The following ROBO1 variants were observed in gnomAD, a reference collection of about 807,000 sequenced individuals.
ROBO1 encodes roundabout homolog 1.
Under a neutral mutation model 195.9 loss-of-function variants are expected in ROBO1, and 149 were observed. That is an observed-to-expected ratio of 0.76 (90% CI 0.67 to 0.87). The LOEUF is 0.87. Among genes scored for constraint, ROBO1 ranks in the 40% least tolerant of loss-of-function variants. The probability of loss-of-function intolerance (pLI) is 0.00; values close to 1 mark genes in which losing one functional copy is unlikely to be tolerated. For missense variants in ROBO1, 1,933 were observed against 2,068.3 expected (o/e 0.93, Z 1.27); for synonymous variants, 816 against 733.2 (o/e 1.11, Z -1.82).
At chr3:78,943,451 C>T (rs1473124467) in intron 3 of ROBO1, among the ~76,000 whole-genome samples, 1 of 152,102 alleles carries the variant, frequency 6.6e-6, no homozygotes, top group Admixed American at 6.6e-5. Flanking sequence ...TGTTTGTACA[C>T]AACAATTCAG....
At position 78,946,018 on chromosome 3, in the gene ROBO1, C is replaced by T. The variant is rs147397552; in HGVS notation, c.173-7091G>A. ...ACAAAGCCTCCAAGAAATATAGGAC[C>T]ATGTGAAAAGACCAAATCTACGTCT... On this transcript the variant is annotated intron_variant, in intron 3 of 30. Coordinates refer to ENST00000464233, the MANE Select transcript of ROBO1 (RefSeq NM_002941.4). 7.5e-3 allele frequency among the ~76,000 whole-genome samples: 1,130 copies of T among 151,360 alleles called. 12 individuals carry two copies. The highest frequency in any genetic ancestry group is 0.026 in the African/African-American group (1,089 of 41,336).
At chr3:79,540,495 G>T (rs570037181) in intron 2 of ROBO1, among the ~76,000 whole-genome samples, 1 of 151,864 alleles carries the variant, frequency 6.6e-6, no homozygotes, top group Non-Finnish European at 1.5e-5. Flanking sequence ...TTCAACATCC[G>T]CTCATAACCC....
intron 4 of ROBO1, among the ~76,000 whole-genome samples, chr3:78,783,713 T>C (rs979489651): frequency 1.3e-5 from 2 of 152,180 alleles, no homozygotes; most frequent in Non-Finnish European, 2.9e-5. Context: ...GGTTTCACCT[T>C]ACGTCACACA....
chr3:79,489,038 G>A (rs1367910216), intron 2 of ROBO1, among the ~76,000 whole-genome samples: 1 of 151,308 alleles, frequency 6.6e-6, no homozygotes, highest in Non-Finnish European at 1.5e-5. Context: ...ATTTAGATGG[G>A]TCATTTAAAA....
chr3:79,310,144 C>A (rs2033410794), intron 2 of ROBO1, among the ~76,000 whole-genome samples: 1 of 152,088 alleles, frequency 6.6e-6, no homozygotes, highest in Non-Finnish European at 1.5e-5. Flanking sequence ...TTATAACATG[C>A]CTCATTTAAA....
Position 79,489,166 on chromosome 3 carries a change from A to T in ROBO1, c.88+100658T>A, listed in dbSNP as rs1243654388. On this transcript the variant is annotated intron_variant, in intron 2 of 30. Transcript: ENST00000464233. ...AAGATAAACTGATTTTTCTCATAAGACTTCAGACTAATCAATTTAAGATAA... is the reference window on the plus strand; with the variant it reads ...AAGATAAACTGATTTTTCTCATAAGTCTTCAGACTAATCAATTTAAGATAA... Among the ~76,000 whole-genome samples the T allele has an allele frequency of 2.0e-5, 3 of 151,880 alleles. No homozygotes were observed. In the East Asian group the frequency reaches 5.8e-4, roughly 29 times the overall value.
intron 2 of ROBO1, among the ~76,000 whole-genome samples, chr3:79,311,686 A>T (rs945299019): frequency 1.3e-5 from 2 of 152,192 alleles, no homozygotes; most frequent in African/African-American, 4.8e-5. Flanking sequence ...TGTGGCCTCC[A>T]GTAATAACAC....
chr3:79,534,321 AT>A (rs1002635237), intron 2 of ROBO1, among the ~76,000 whole-genome samples: 7 of 152,240 alleles, frequency 4.6e-5, no homozygotes, highest in Admixed American at 4.6e-4. Flanking sequence ...TGATGATTTT[AT>A]ACTACTGAAA....
chr3:78,679,650 A>G (rs1296485150), intron 10 of ROBO1, among the ~76,000 whole-genome samples: 1 of 152,214 alleles, frequency 6.6e-6, no homozygotes, highest in African/African-American at 2.4e-5. Flanking sequence ...AAGGAGAACT[A>G]CAAACCACTC....
chr3:78,964,484 A>G (rs2041571230), intron 3 of ROBO1, among the ~76,000 whole-genome samples: 1 of 152,182 alleles, frequency 6.6e-6, no homozygotes, highest in Admixed American at 6.5e-5. Context: ...GCCAAACTGT[A>G]GAGACCTAAA....
intron 4 of ROBO1, among the ~76,000 whole-genome samples, chr3:78,817,171 T>C (rs1172082021): frequency 6.6e-6 from 1 of 151,970 alleles, no homozygotes; most frequent in African/African-American, 2.4e-5. Context: ...AACTTCATTG[T>C]TGTCTTATTT....
intron 4 of ROBO1, among the ~76,000 whole-genome samples, chr3:78,802,817 T>C (rs904611003): frequency 6.6e-6 from 1 of 152,216 alleles, no homozygotes. Context: ...AAATCATCCC[T>C]TTTAAGTTAT....
chr3:78,945,856 G>A (rs576641724), intron 3 of ROBO1, among the ~76,000 whole-genome samples: 1 of 152,002 alleles, frequency 6.6e-6, no homozygotes, highest in Non-Finnish European at 1.5e-5. Flanking sequence ...CAAGGCACGA[G>A]AGCTACGTGA....
intron 4 of ROBO1, among the ~76,000 whole-genome samples, chr3:78,836,235 G>A (rs1036583189): frequency 2.6e-5 from 4 of 151,954 alleles, no homozygotes; most frequent in Admixed American, 6.6e-5. Flanking sequence ...TCTTCAGGCC[G>A]GGGGCAGTGG....
intron 3 of ROBO1, among the ~76,000 whole-genome samples, chr3:79,050,983 C>T (rs759531863): frequency 1.3e-5 from 2 of 152,104 alleles, no homozygotes; most frequent in African/African-American, 4.8e-5. Flanking sequence ...GACACCCTAA[C>T]ATCACAATTA....
At chr3:79,121,272 A>G (rs1483109953) in intron 3 of ROBO1, among the ~76,000 whole-genome samples, 1 of 152,102 alleles carries the variant, frequency 6.6e-6, no homozygotes, top group East Asian at 1.9e-4. Flanking sequence ...CTTAGTTTGA[A>G]TGGTGAAGCA....
intron 3 of ROBO1, among the ~76,000 whole-genome samples, chr3:78,976,692 T>C (rs1553780410): frequency 6.6e-6 from 1 of 152,212 alleles, no homozygotes; most frequent in Non-Finnish European, 1.5e-5. Context: ...TAACTGAACC[T>C]ATATACTATA....
At chr3:78,762,729 A>G (rs2083137451) in intron 4 of ROBO1, among the ~76,000 whole-genome samples, 1 of 152,108 alleles carries the variant, frequency 6.6e-6, no homozygotes, top group Non-Finnish European at 1.5e-5. Context: ...TTTAATTTTT[A>G]TAATTGAAAT....
At chr3:79,504,490 T>A (rs2107516252) in intron 2 of ROBO1, among the ~76,000 whole-genome samples, 1 of 152,224 alleles carries the variant, frequency 6.6e-6, no homozygotes, top group East Asian at 1.9e-4. Context: ...AAAAATAAAT[T>A]GAAAGATATA....
Sources: allele counts gnomAD v4.1 joint callset (sites outside exome capture counted in the v4.1 genomes callset), GRCh38; gene constraint gnomAD v4.1.1; transcripts MANE v1.5; gene names NCBI Gene and HGNC (gene_info 2026-07-23, HGNC 2026-07-21).